Variants in RAB3IL1 observed in about 807,000 individuals in gnomAD.
RAB3IL1 encodes guanine nucleotide exchange factor for Rab-3A.
A neutral mutation model predicts 49.2 loss-of-function variants in RAB3IL1; 37 were observed. That is an observed-to-expected ratio of 0.75 (90% CI 0.58 to 0.99). The LOEUF (loss-of-function observed/expected upper bound fraction) is 0.99, where lower values mean the gene tolerates loss of function less well. Ranked by LOEUF, RAB3IL1 falls within the 50% of genes least tolerant of loss-of-function variation. RAB3IL1 has a pLI of 0.00. For synonymous variants in RAB3IL1, 193 were observed against 213.9 expected, an observed-to-expected ratio of 0.90 and a Z score of 0.85; for missense variants, 484 against 513.0, an observed-to-expected ratio of 0.94 and a Z score of 0.55.
chr11:61,934,395 CAT>C, the RAB3IL1 span, among the ~76,000 whole-genome samples: 1 of 109,610 alleles, frequency 9.1e-6, no homozygotes, highest in African/African-American at 3.6e-5. Context: ...TGCATATATA[CAT>C]ATATTTGTAT....
intron 8 of RAB3IL1, among the ~76,000 whole-genome samples, chr11:61,900,135 A>C (rs1423725510): frequency 6.6e-6 from 1 of 152,164 alleles, no homozygotes; most frequent in Non-Finnish European, 1.5e-5. Flanking sequence ...GATAGAAAGG[A>C]CAGTCCCCTT....
intron 8 of RAB3IL1, 110 bp from the exon 9 acceptor site, chr11:61,899,490 A>T (rs1938793285): frequency 9.7e-7 from 1 of 1,032,792 alleles, no homozygotes; most frequent in Non-Finnish European, 1.4e-6. Context: ...AGAGCCAGGC[A>T]GTGCTCCCTG....
At chr11:61,924,324 G>A (rs1939961000), upstream of RAB3IL1, among the ~76,000 whole-genome samples, 1 of 152,232 alleles carries the variant, frequency 6.6e-6, no homozygotes, top group African/African-American at 2.4e-5. Flanking sequence ...CGTCATCTTT[G>A]CTTCTTCCCC....
intron 1 of RAB3IL1, among the ~76,000 whole-genome samples, chr11:61,912,264 G>A (rs976375047): frequency 3.3e-5 from 5 of 152,230 alleles, no homozygotes; most frequent in African/African-American, 4.8e-5. Flanking sequence ...CCCCGGGGCG[G>A]TGCCTTGGCA....
intron 1 of RAB3IL1, 78 bp from the exon 2 acceptor site, chr11:61,908,384 G>A: frequency 2.3e-6 from 3 of 1,317,916 alleles, no homozygotes; most frequent in Non-Finnish European, 2.9e-6. Flanking sequence ...AACCGCCCCG[G>A]GGCAATGTGC....
intron 1 of RAB3IL1, among the ~76,000 whole-genome samples, chr11:61,914,086 C>T (rs1178727810): frequency 1.3e-5 from 2 of 152,306 alleles, no homozygotes; most frequent in Middle Eastern, 3.4e-3. Context: ...CTGGAGCCCT[C>T]GGGCCATACT....
In RAB3IL1 at chr11:61,906,798, C is replaced by G. The variant is rs926644337; in HGVS notation, c.439-114G>C. 8.1e-6 allele frequency: 8 copies of G among 988,214 alleles called. No homozygotes were observed. The Admixed American group carries it at 1.0e-4, about 12-fold the overall frequency. 61.2% of individuals were successfully genotyped at this position (988,214 alleles called of 1,614,324 possible). A position where few individuals can be genotyped will look rare whatever the true frequency, so the allele number is the denominator to read the frequency against. Reference sequence around the variant, plus strand: ...ACCCCTGCAGTGACAGGCACTTAGTCCCACCCGACGCCCTCAGAACAGCCT... The same window carrying G: ...ACCCCTGCAGTGACAGGCACTTAGTGCCACCCGACGCCCTCAGAACAGCCT... On this transcript the variant is annotated intron_variant, in intron 4 of 9. Transcript: ENST00000394836. The surrounding 1 kb of genome is among the most constrained non-coding windows in gnomAD (Gnocchi z 4.6).
At chr11:61,899,185 A>G (rs1938767561) in intron 9 of RAB3IL1, 129 bp downstream of exon 9, 1 of 1,068,202 alleles carries the variant, frequency 9.4e-7, no homozygotes, top group Admixed American at 2.3e-5. Flanking sequence ...CTAAACCACA[A>G]CCCTCCCCGC....
At chr11:61,919,263 G>A (rs977528959), upstream of RAB3IL1, among the ~76,000 whole-genome samples, 4 of 152,216 alleles carry the variant, frequency 2.6e-5, no homozygotes, top group Non-Finnish European at 4.4e-5. Flanking sequence ...AGCCTGGGAG[G>A]TCTGGTGGAC....
At chr11:61,939,367 C>G in the RAB3IL1 span, among the ~76,000 whole-genome samples, 1 of 151,944 alleles carries the variant, frequency 6.6e-6, no homozygotes, top group Non-Finnish European at 1.5e-5. Flanking sequence ...TCGAATACAG[C>G]AAAAGCAGTA....
At chr11:61,926,397 A>G in the RAB3IL1 span, among the ~76,000 whole-genome samples, 3 of 152,200 alleles carry the variant, frequency 2.0e-5, no homozygotes, top group African/African-American at 7.2e-5. Flanking sequence ...ACATCTAATT[A>G]CAGCATGATA....
At chr11:61,899,202 G>T in intron 9 of RAB3IL1, 112 bp downstream of exon 9, 3 of 1,216,442 alleles carry the variant, frequency 2.5e-6, no homozygotes, top group South Asian at 2.8e-5. Context: ...CCGCTCCCCA[G>T]CCTCCTAGCT....
chr11:61,945,654 C>G, the RAB3IL1 span: 12 of 660,316 alleles, frequency 1.8e-5, no homozygotes, highest in East Asian at 1.2e-3. Context: ...AGGCCCTGCA[C>G]AGTTGTCTAG....
At chr11:61,926,922 C>T in the RAB3IL1 span, among the ~76,000 whole-genome samples, 73,009 of 151,752 alleles carry the variant, frequency 0.48, 18,627 homozygotes, top group Middle Eastern at 0.6. Context: ...ACAATCTTGG[C>T]TCACTGCAAC....
chr11:61,927,162 G>A, the RAB3IL1 span, among the ~76,000 whole-genome samples: 1 of 152,110 alleles, frequency 6.6e-6, no homozygotes, highest in South Asian at 2.1e-4. Flanking sequence ...TTCTTAAAAA[G>A]AGTCTGGGAC....
chr11:61,918,592 ACAGACATAGGTT>A (rs1214224283), upstream of RAB3IL1, among the ~76,000 whole-genome samples: 2 of 152,274 alleles, frequency 1.3e-5, no homozygotes, highest in African/African-American at 4.8e-5. Flanking sequence ...AGGAAACTGT[ACAGACATAGGTT>A]CTGCCCTCCT....
At chr11:61,921,450 C>G (rs78243280), upstream of RAB3IL1, among the ~76,000 whole-genome samples, 14,263 of 152,258 alleles carry the variant, frequency 0.094, 673 homozygotes, top group Non-Finnish European at 0.099. Flanking sequence ...TACTATCCCC[C>G]CTGACTGCTA....
At chr11:61,935,311 T>C in the RAB3IL1 span, among the ~76,000 whole-genome samples, 1 of 151,060 alleles carries the variant, frequency 6.6e-6, no homozygotes, top group Admixed American at 6.6e-5. Flanking sequence ...TCCCAGCTAC[T>C]TGGGAGGCTG....
upstream of RAB3IL1, among the ~76,000 whole-genome samples, chr11:61,924,044 G>A (rs1172615819): frequency 1.3e-5 from 2 of 152,170 alleles, no homozygotes; most frequent in Non-Finnish European, 2.9e-5. Flanking sequence ...AGGCCCCGGG[G>A]ACAGTCTGGG....
Sources: gnomAD v4.1 joint callset for allele counts (sites outside exome capture counted in the v4.1 genomes callset) on GRCh38, gnomAD v4.1.1 for gene constraint, Gnocchi (gnomAD v3.1) non-coding constraint, MANE v1.5 for transcripts, NCBI Gene and HGNC (gene_info 2026-07-23, HGNC 2026-07-21) for gene names.